TRIM71: variants seen among roughly 807,000 people sequenced by gnomAD.
TRIM71 encodes tripartite motif containing 71.
Under a neutral mutation model 61.2 loss-of-function variants are expected in TRIM71, and 9 were observed. The ratio of observed to expected loss-of-function variants is 0.15; its 90% CI spans 0.09 to 0.26. The LOEUF (loss-of-function observed/expected upper bound fraction) is 0.26, where lower values mean the gene tolerates loss of function less well. Among genes scored for constraint, TRIM71 ranks in the 10% least tolerant of loss-of-function variants. TRIM71 has a pLI of 1.00. For synonymous variants in TRIM71, 645 were observed against 553.2 expected (o/e 1.17, Z -2.33); for missense variants, 998 against 1,238.7 (o/e 0.81, Z 2.92).
chr3:32,882,965 A>G (rs1012312882), intron 2 of TRIM71, among the ~76,000 whole-genome samples: 1 of 152,240 alleles, frequency 6.6e-6, no homozygotes, highest in Non-Finnish European at 1.5e-5. Flanking sequence ...TTGTAACCAC[A>G]GCTTTCTTTC....
At chr3:32,874,465 T>C (rs1273152771) in intron 2 of TRIM71, among the ~76,000 whole-genome samples, 2 of 151,810 alleles carry the variant, frequency 1.3e-5, no homozygotes, top group Non-Finnish European at 2.9e-5. Flanking sequence ...CGGATTCAAG[T>C]GATTCTCCTC....
At chr3:32,863,149 G>C (rs1029536949) in intron 1 of TRIM71, among the ~76,000 whole-genome samples, 2 of 150,542 alleles carry the variant, frequency 1.3e-5, no homozygotes, top group South Asian at 4.2e-4. Flanking sequence ...GTTGTCAGTG[G>C]AAGGATTCTC....
intron 3 of TRIM71, among the ~76,000 whole-genome samples, chr3:32,888,589 GGACT>G (rs1437381321): frequency 2.0e-5 from 3 of 151,970 alleles, no homozygotes; most frequent in Non-Finnish European, 4.4e-5. Context: ...TGCCCAGGCT[GGACT>G]GCAGTGGCAC....
At chr3:32,859,936 C>T (rs757951296) in intron 1 of TRIM71, among the ~76,000 whole-genome samples, 52 of 152,074 alleles carry the variant, frequency 3.4e-4, no homozygotes, top group Non-Finnish European at 7.2e-4. Flanking sequence ...ATGGGCTGGG[C>T]CCTTCTTCCT....
intron 1 of TRIM71, among the ~76,000 whole-genome samples, chr3:32,832,034 C>T (rs1209924091): frequency 6.6e-6 from 1 of 152,106 alleles, no homozygotes; most frequent in Non-Finnish European, 1.5e-5. Flanking sequence ...CATCCTGTTC[C>T]TTGCTTTAGT....
intron 1 of TRIM71, among the ~76,000 whole-genome samples, chr3:32,828,502 C>CTTTTTTTTT (rs67014189): frequency 5.4e-5 from 5 of 93,260 alleles, no homozygotes; most frequent in Non-Finnish European, 8.1e-5. Flanking sequence ...CAATTGTAAA[C>CTTTTTTTTT]TTTTTTTTTT....
chr3:32,818,557 C>A lies in TRIM71; in HGVS notation c.477C>A (p.Arg159=). The A allele has an allele frequency of 1.6e-6, 2 of 1,263,682 alleles. No individual in the cohort carries two copies. The highest frequency in any genetic ancestry group is 2.0e-6 in the Non-Finnish European group (2 of 1,011,858). 78.3% of individuals were successfully genotyped at this position (1,263,682 alleles called of 1,614,324 possible). The change falls in exon 1 of 4, where the codon CGC becomes CGA. Residue 159 remains arginine, a synonymous_variant. Coordinates refer to ENST00000383763, the MANE Select transcript of TRIM71 (RefSeq NM_001039111.3). The stretch of plus-strand genomic sequence containing the variant: ...ACCACGCTCACCACGCGCACCCGCG[C>A]GCGTCCGCCTCCGCGCCGCCACTCC... ...HRHHAHHAHP[R]ASASAPPLPQ...
chr3:32,823,073 A>G (rs775950320), intron 1 of TRIM71, among the ~76,000 whole-genome samples: 2 of 152,220 alleles, frequency 1.3e-5, no homozygotes, highest in Non-Finnish European at 2.9e-5. Flanking sequence ...CATCTCACCT[A>G]CTGGCTGGAA....
chr3:32,891,924 AT>A lies in TRIM71; in HGVS notation c.*116del. The stretch of plus-strand genomic sequence containing the variant: ...TCAAAGAAGAAACAGTCTCAGGGAA[AT>A]TTCTTTTTTCTTTTTTTTTTTTAAA... On this transcript the variant is annotated 3_prime_UTR_variant, in exon 4 of 4. Coordinates refer to ENST00000383763, the MANE Select transcript of TRIM71 (RefSeq NM_001039111.3). The surrounding 1 kb of genome is among the most constrained non-coding windows in gnomAD (Gnocchi z 8.2). 1 of 1,430,240 alleles carries A rather than the reference AT, an allele frequency of 7.0e-7. No homozygotes were observed. The highest frequency in any genetic ancestry group is 9.2e-7 in the Non-Finnish European group (1 of 1,091,054). The allele number at this position is 1,430,240 out of a possible 1,614,324, so 88.6% of individuals were successfully genotyped here.
intron 1 of TRIM71, among the ~76,000 whole-genome samples, chr3:32,850,669 T>C (rs1244226975): frequency 6.6e-6 from 1 of 152,196 alleles, no homozygotes; most frequent in South Asian, 2.1e-4. Context: ...CTTGTGTAGA[T>C]GAACATTCTT....
intron 1 of TRIM71, among the ~76,000 whole-genome samples, chr3:32,837,769 G>A (rs918693783): frequency 6.6e-5 from 10 of 152,082 alleles, no homozygotes; most frequent in African/African-American, 2.4e-4. Flanking sequence ...TTATACCACT[G>A]CACTCCAGCC....
intron 1 of TRIM71, among the ~76,000 whole-genome samples, chr3:32,870,765 T>G (rs186035226): frequency 6.6e-6 from 1 of 152,244 alleles, no homozygotes; most frequent in East Asian, 1.9e-4. Context: ...AGTTACATAG[T>G]TGGAGTCTGG....
At chr3:32,847,892 G>A (rs1367339499) in intron 1 of TRIM71, among the ~76,000 whole-genome samples, 1 of 152,044 alleles carries the variant, frequency 6.6e-6, no homozygotes, top group East Asian at 1.9e-4. Flanking sequence ...TAGAAATAAG[G>A]CAATAAAAAT....
At chr3:32,846,290 T>C (rs916219362) in intron 1 of TRIM71, among the ~76,000 whole-genome samples, 6 of 151,992 alleles carry the variant, frequency 3.9e-5, no homozygotes, top group Non-Finnish European at 8.8e-5. Context: ...TTAGCCAGGA[T>C]GGTCTCGATC....
intron 2 of TRIM71, among the ~76,000 whole-genome samples, chr3:32,876,176 G>C (rs1008834306): frequency 1.3e-5 from 2 of 152,164 alleles, no homozygotes; most frequent in Non-Finnish European, 2.9e-5. Context: ...GAAGTGGTTT[G>C]TGTCTTTCAT....
chr3:32,826,419 T>C (rs1036959133), intron 1 of TRIM71, among the ~76,000 whole-genome samples: 1 of 152,088 alleles, frequency 6.6e-6, no homozygotes. Context: ...GTCTGGGCGA[T>C]AGAACAAGAC....
At chr3:32,821,208 T>C (rs1471732883) in intron 1 of TRIM71, among the ~76,000 whole-genome samples, 1 of 152,202 alleles carries the variant, frequency 6.6e-6, no homozygotes, top group African/African-American at 2.4e-5. Context: ...TTTTGGAGGA[T>C]GATAGACTGA....
rs1697054557 is a variant in TRIM71, at chr3:32,894,059, G to A, written c.*2248G>A. 1 of 152,018 alleles carries A rather than the reference G, an allele frequency of 6.6e-6. No homozygotes were observed. The highest frequency in any genetic ancestry group is 1.5e-5 in the Non-Finnish European group (1 of 68,016). The allele number at this position is 152,018 out of a possible 1,614,324, so 9.4% of individuals were successfully genotyped here. On this transcript the variant is annotated 3_prime_UTR_variant, in exon 4 of 4. Coordinates refer to ENST00000383763, the MANE Select transcript of TRIM71 (RefSeq NM_001039111.3). Reference sequence around the variant, plus strand: ...CCAATGCCTATTCAGTTGCCTTTTGGCCGTTAAGCTCTAAGTTCTTTGGTA... The same window carrying A: ...CCAATGCCTATTCAGTTGCCTTTTGACCGTTAAGCTCTAAGTTCTTTGGTA...
At chr3:32,821,536 AATG>A (rs1393310245) in intron 1 of TRIM71, among the ~76,000 whole-genome samples, 3 of 152,176 alleles carry the variant, frequency 2.0e-5, no homozygotes, top group African/African-American at 7.2e-5. Flanking sequence ...TTTAAACCGT[AATG>A]ATGATAACCT....
Sources: gnomAD v4.1 joint callset for allele counts (sites outside exome capture counted in the v4.1 genomes callset) on GRCh38, gnomAD v4.1.1 for gene constraint, Gnocchi (gnomAD v3.1) non-coding constraint, MANE v1.5 for transcripts, NCBI Gene and HGNC (gene_info 2026-07-23, HGNC 2026-07-21) for gene names.